Variants in CHM observed in about 807,000 individuals in gnomAD.
CHM encodes the protein CHM Rab escort protein, also known as rab proteins geranylgeranyltransferase component A 1.
CHM carries 10 observed loss-of-function variants against 49.0 expected under a neutral mutation model. That is an observed-to-expected ratio of 0.20 (90% CI 0.13 to 0.35). CHM has a LOEUF of 0.35. Ranked by LOEUF, CHM falls within the 10% of genes least tolerant of loss-of-function variation. CHM has a pLI of 1.00. For missense variants in CHM, 455 were observed against 478.4 expected, an observed-to-expected ratio of 0.95 and a Z score of 0.46; for synonymous variants, 184 against 167.5, an observed-to-expected ratio of 1.10 and a Z score of -0.76.
At chrX:85,869,391 C>T (rs1923906754) in intron 14 of CHM, among the ~76,000 whole-genome samples, 1 of 110,847 alleles carries the variant, frequency 9.0e-6, no homozygotes, top group Non-Finnish European at 1.9e-5. Context: ...ACCTTGTCTC[C>T]CTTTTGCCTC....
chrX:85,863,853 CAGT>C lies in CHM; in HGVS notation c.*774_*776del, dbSNP rs1204503323. Reference sequence around the variant, plus strand: ...AGTTAAACAATTTACCAAATATCATCAGTAGGACAGCCAGGATTAAATTAGGTC... The same window carrying C: ...AGTTAAACAATTTACCAAATATCATCAGGACAGCCAGGATTAAATTAGGTC... On this transcript the variant is annotated 3_prime_UTR_variant, in exon 15 of 15. Transcript: ENST00000357749. 8.9e-6 allele frequency: 1 copy of C among 111,875 alleles called. No individual in the cohort carries two copies. Among genetic ancestry groups the C allele is most frequent in the Non-Finnish European group, 1.9e-5 (1 of 53,181 alleles). 9.2% of individuals were successfully genotyped at this position (111,875 alleles called of 1,213,427 possible). A position where few individuals can be genotyped will look rare whatever the true frequency, so the allele number is the denominator to read the frequency against.
intron 9 of CHM, among the ~76,000 whole-genome samples, chrX:85,901,551 TTCACAGC>T (rs1199267913): frequency 9.0e-6 from 1 of 111,311 alleles, no homozygotes; most frequent in Non-Finnish European, 1.9e-5. Context: ...TTTTCCCCCC[TTCACAGC>T]TCTAAGAAAA....
At chrX:85,918,430 C>T (rs184735583) in intron 8 of CHM, among the ~76,000 whole-genome samples, 1 of 111,935 alleles carries the variant, frequency 8.9e-6, no homozygotes, top group Non-Finnish European at 1.9e-5. Context: ...AAGAAAGATA[C>T]TTGCCAGCAG....
At chrX:85,864,880 T>C in intron 14 of CHM, 59 bp from the exon 15 acceptor site, 1 of 1,063,191 alleles carries the variant, frequency 9.4e-7, no homozygotes, top group Middle Eastern at 2.7e-4. Flanking sequence ...TGTGTGTGCA[T>C]TTCTGGCATT....
chrX:85,892,024 C>T (rs145383650), intron 12 of CHM, among the ~76,000 whole-genome samples: 127 of 111,807 alleles, frequency 1.1e-3, no homozygotes, highest in Middle Eastern at 4.7e-3. Context: ...TTTGGACTTG[C>T]ATGGGGCCTG....
At chrX:85,962,421 TGACA>T (rs1220358523) in intron 5 of CHM, among the ~76,000 whole-genome samples, 1 of 112,252 alleles carries the variant, frequency 8.9e-6, no homozygotes, top group Non-Finnish European at 1.9e-5. Context: ...GAGTGCTACA[TGACA>T]GACAGAAAGA....
At chrX:85,920,250 C>T (rs763673678) in intron 8 of CHM, among the ~76,000 whole-genome samples, 203 of 110,015 alleles carry the variant, frequency 1.8e-3, no homozygotes, top group African/African-American at 6.4e-3. Context: ...CGCCCACCAC[C>T]ACACCCAGCT....
chrX:85,985,173 G>A (rs1205795770), intron 2 of CHM, among the ~76,000 whole-genome samples: 1 of 112,474 alleles, frequency 8.9e-6, no homozygotes, highest in African/African-American at 3.2e-5. Context: ...AGCGGGAGAG[G>A]TGGGCTGCCA....
rs187775187 is a variant in CHM at position 85,934,936 on chromosome X, A to G, written c.1166+21217T>C. Among the ~76,000 whole-genome samples the G allele has an allele frequency of 2.7e-3, 298 of 111,971 alleles. 1 individual carries two copies. The highest frequency in any genetic ancestry group is 9.2e-3 in the African/African-American group (284 of 30,871). ...AAAATTGTTATGAATGTTTTGTTAT[A>G]AATTCTAATTTGGTGAGATTAAAAT... On this transcript the variant is annotated intron_variant, in intron 8 of 14. Transcript: ENST00000357749.
In CHM at chrX:85,862,664, G is replaced by C. The variant is rs1923423605; in HGVS notation, c.*1966C>G. The C allele has an allele frequency of 8.9e-6, 1 of 111,842 alleles. No individual in the cohort carries two copies. Among genetic ancestry groups the C allele is most frequent in the Non-Finnish European group, 1.9e-5 (1 of 53,166 alleles). 9.2% of individuals were successfully genotyped at this position (111,842 alleles called of 1,213,427 possible). On this transcript the variant is annotated 3_prime_UTR_variant, in exon 15 of 15. Transcript: ENST00000357749. Reference sequence around the variant, plus strand: ...GGAGGGGCTGTACACTGGGAGGTAGGGATAGGAGCAGCCTGAGAGGCTAGT... The same window carrying C: ...GGAGGGGCTGTACACTGGGAGGTAGCGATAGGAGCAGCCTGAGAGGCTAGT...
intron 14 of CHM, among the ~76,000 whole-genome samples, chrX:85,867,238 A>G (rs1300854044): frequency 9.0e-6 from 1 of 111,714 alleles, no homozygotes; most frequent in Non-Finnish European, 1.9e-5. Context: ...ACTTCTCACA[A>G]GATCTGATGG....
intron 12 of CHM, among the ~76,000 whole-genome samples, chrX:85,892,478 C>T (rs891358651): frequency 1.8e-5 from 2 of 110,770 alleles, no homozygotes; most frequent in Non-Finnish European, 3.8e-5. Flanking sequence ...CAGGGGTTTC[C>T]GCTTTTGCTT....
At chrX:85,968,110 CACAGTATATATTATACTGCT>C (rs2147683928) in intron 4 of CHM, among the ~76,000 whole-genome samples, 1 of 111,878 alleles carries the variant, frequency 8.9e-6, no homozygotes, top group Non-Finnish European at 1.9e-5. Context: ...TTCTGATTTT[CACAGTATATATTATACTGCT>C]ACCCAGCTGT....
intron 2 of CHM, among the ~76,000 whole-genome samples, chrX:86,006,879 T>G (rs1343487160): frequency 8.9e-6 from 1 of 111,946 alleles, no homozygotes; most frequent in East Asian, 2.8e-4. Flanking sequence ...AAGCTACCAA[T>G]GACTTTCTTC....
In CHM at chrX:85,889,221, C is replaced by T. The variant is rs1013405341; in HGVS notation, c.1510+4967G>A. Among the ~76,000 whole-genome samples the T allele has an allele frequency of 5.4e-5, 6 of 111,879 alleles. No individual in the cohort carries two copies. The East Asian group carries it at 1.7e-3, about 31-fold the overall frequency. ...AAACAAAAATTGACAAATGGGACTT[C>T]ATTAAACTAAAGAGCATGTACCCAG... On this transcript the variant is annotated intron_variant, in intron 12 of 14. Transcript: ENST00000357749.
At chrX:85,912,274 T>C (rs189990691) in intron 8 of CHM, among the ~76,000 whole-genome samples, 2 of 111,161 alleles carry the variant, frequency 1.8e-5, no homozygotes, top group Non-Finnish European at 3.8e-5. Context: ...GGGGAAGCAA[T>C]GGCTAAAGCT....
At chrX:85,996,193 C>A (rs991974386) in intron 2 of CHM, among the ~76,000 whole-genome samples, 1 of 111,786 alleles carries the variant, frequency 8.9e-6, no homozygotes, top group Non-Finnish European at 1.9e-5. Context: ...TAAAAAGAAA[C>A]CTCACATGAA....
intron 8 of CHM, among the ~76,000 whole-genome samples, chrX:85,949,047 C>T (rs1166965177): frequency 1.8e-5 from 2 of 111,143 alleles, no homozygotes; most frequent in Non-Finnish European, 3.8e-5. Context: ...TGAGCCACCG[C>T]ACCCGGCAGG....
At position 85,873,174 on chromosome X, in the gene CHM, G is replaced by C. The variant is rs186479811; in HGVS notation, c.1648C>G (p.Leu550Val). 5 of 1,199,724 alleles carry C rather than the reference G, an allele frequency of 4.2e-6. No homozygotes were observed. In the African/African-American group the frequency reaches 7.0e-5, roughly 17 times the overall value. Residue 550 changes from leucine to valine, a missense_variant, in exon 14 of 15, where the codon CTT becomes GTT. Leu to Val is a conservative substitution (Grantham distance 32). Coordinates refer to ENST00000357749, the MANE Select transcript of CHM (RefSeq NM_000390.4). ...GACGAATCTCTCATATTGAAGTAAA[G>C]AGCCCACAGAATTCTTGGCTTTTCT... ...QVEKPRILWA[L>V]YFNMRDSSDI...
Sources: gnomAD v4.1 joint callset for allele counts (sites outside exome capture counted in the v4.1 genomes callset) on GRCh38, gnomAD v4.1.1 for gene constraint, MANE v1.5 for transcripts, NCBI Gene and HGNC (gene_info 2026-07-23, HGNC 2026-07-21) for gene names.